Variants in EPHB1 observed in about 807,000 individuals in gnomAD.
The protein encoded by EPHB1 is EPH receptor B1.
A neutral mutation model predicts 94.4 loss-of-function variants in EPHB1; 30 were observed. The observed-to-expected ratio is 0.32, with a 90% CI of 0.24 to 0.43. The LOEUF is 0.43. Ranked by LOEUF, EPHB1 falls within the 20% of genes least tolerant of loss-of-function variation. The probability of loss-of-function intolerance (pLI) is 1.00; values close to 1 mark genes in which losing one functional copy is unlikely to be tolerated. For missense variants in EPHB1, 1,055 were observed against 1,308.3 expected (o/e 0.81, Z 2.99); for synonymous variants, 522 against 489.1 (o/e 1.07, Z -0.89).
intron 1 of EPHB1, among the ~76,000 whole-genome samples, chr3:134,888,848 A>T (rs1448074214): frequency 6.6e-6 from 1 of 152,216 alleles, no homozygotes; most frequent in African/African-American, 2.4e-5. Context: ...ATGGAGGCTC[A>T]GCCATGGGCA....
At position 135,091,705 on chromosome 3, in the gene EPHB1, G is replaced by A. The variant is rs369056264; in HGVS notation, c.806-14743G>A. On this transcript the variant is annotated intron_variant, in intron 3 of 15. Coordinates refer to ENST00000398015, the MANE Select transcript of EPHB1 (RefSeq NM_004441.5). ...TATTTGCCTCGTCAGAGTTTGGAGA[G>A]TAATGAGATTTGTGTGATACATCTA... is the stretch of plus-strand genomic sequence containing the variant. 1.4e-4 allele frequency among the ~76,000 whole-genome samples: 22 copies of A among 152,338 alleles called. 1 individual carries two copies. Among genetic ancestry groups the A allele is most frequent in the African/African-American group, 5.3e-4 (22 of 41,566 alleles).
chr3:135,172,219 A>T (rs1413189201), intron 9 of EPHB1, among the ~76,000 whole-genome samples: 1 of 152,224 alleles, frequency 6.6e-6, no homozygotes, highest in Non-Finnish European at 1.5e-5. Context: ...TGCTGCAGAC[A>T]CCCAGGCAGG....
chr3:135,034,914 G>C (rs888209402), intron 3 of EPHB1, among the ~76,000 whole-genome samples: 18 of 152,248 alleles, frequency 1.2e-4, no homozygotes, highest in African/African-American at 4.3e-4. Flanking sequence ...GAGGAAGGAG[G>C]ACGATGGACA....
intron 4 of EPHB1, among the ~76,000 whole-genome samples, chr3:135,121,201 G>A (rs1403993633): frequency 6.6e-6 from 1 of 152,168 alleles, no homozygotes; most frequent in Non-Finnish European, 1.5e-5. Context: ...TACCTGCAAG[G>A]CTTTCATCGT....
intron 3 of EPHB1, among the ~76,000 whole-genome samples, chr3:134,992,763 G>T (rs1217090539): frequency 2.0e-5 from 3 of 152,128 alleles, no homozygotes; most frequent in African/African-American, 7.2e-5. Context: ...TGAGGGCAAG[G>T]CCTGTGTCAT....
chr3:134,847,963 G>A lies in EPHB1; in HGVS notation c.58+52274G>A, dbSNP rs1180077491. On this transcript the variant is annotated intron_variant, in intron 1 of 15. Transcript: ENST00000398015. ...TGCTTAATGGCTATTTGTTCATTAGGAACCTTTAATTAACGAACCTTTGCA... is the reference window on the plus strand; with the variant it reads ...TGCTTAATGGCTATTTGTTCATTAGAAACCTTTAATTAACGAACCTTTGCA... 2.6e-5 allele frequency among the ~76,000 whole-genome samples: 4 copies of A among 152,294 alleles called. No homozygotes were observed. The East Asian group carries it at 7.7e-4, about 29-fold the overall frequency.
chr3:135,028,358 A>G (rs1008355229), intron 3 of EPHB1, among the ~76,000 whole-genome samples: 1 of 140,666 alleles, frequency 7.1e-6, no homozygotes. Flanking sequence ...TCTTGTAGGC[A>G]TTTAGTGCTA....
At chr3:135,029,763 G>A (rs994850653) in intron 3 of EPHB1, among the ~76,000 whole-genome samples, 4 of 151,840 alleles carry the variant, frequency 2.6e-5, no homozygotes, top group African/African-American at 4.8e-5. Context: ...GAATCTGAAC[G>A]TTGGCCTGCC....
chr3:134,982,231 G>T (rs1415398808), intron 3 of EPHB1, among the ~76,000 whole-genome samples: 1 of 152,084 alleles, frequency 6.6e-6, no homozygotes, highest in African/African-American at 2.4e-5. Context: ...CTCTGCAGTT[G>T]TACTGTGAGG....
At chr3:135,010,791 G>A (rs772563093) in intron 3 of EPHB1, among the ~76,000 whole-genome samples, 17 of 151,666 alleles carry the variant, frequency 1.1e-4, no homozygotes, top group South Asian at 4.2e-4. Context: ...CTCGAACTCC[G>A]GACCTCGTGA....
chr3:135,117,930 C>A (rs190724044), intron 4 of EPHB1, among the ~76,000 whole-genome samples: 1 of 152,216 alleles, frequency 6.6e-6, no homozygotes, highest in South Asian at 2.1e-4. Flanking sequence ...GGCAGAGGTG[C>A]CCAGAAGGTG....
chr3:134,947,554 A>T lies in EPHB1; in HGVS notation c.124-3817A>T, dbSNP rs138709664. On this transcript the variant is annotated intron_variant, in intron 2 of 15. Coordinates refer to ENST00000398015, the MANE Select transcript of EPHB1 (RefSeq NM_004441.5). ...TGAATATGCAGCTGAATTTCCTCTC[A>T]TTTGCTTTGATCACTCCCTTAGGAG... Among the ~76,000 whole-genome samples, 983 of 152,112 alleles carry T rather than the reference A, an allele frequency of 6.5e-3. 10 individuals carry two copies. Among genetic ancestry groups the T allele is most frequent in the African/African-American group, 0.022 (928 of 41,480 alleles).
intron 3 of EPHB1, among the ~76,000 whole-genome samples, chr3:135,023,472 A>G (rs1936045760): frequency 6.6e-6 from 1 of 152,208 alleles, no homozygotes; most frequent in Non-Finnish European, 1.5e-5. Flanking sequence ...AAATATCTCC[A>G]GAAATTGTTA....
At chr3:134,922,984 C>T (rs1239675611) in intron 1 of EPHB1, among the ~76,000 whole-genome samples, 2 of 152,168 alleles carry the variant, frequency 1.3e-5, no homozygotes, top group Non-Finnish European at 2.9e-5. Context: ...TACAGAGCCT[C>T]ATGGAGTGTC....
intron 2 of EPHB1, among the ~76,000 whole-genome samples, chr3:134,935,533 C>T (rs1393450145): frequency 1.3e-5 from 2 of 152,198 alleles, no homozygotes; most frequent in Non-Finnish European, 2.9e-5. Context: ...TCTTTAGCCT[C>T]TTTAAGTCCA....
At chr3:135,208,499 A>T (rs1942959465) in intron 12 of EPHB1, among the ~76,000 whole-genome samples, 1 of 152,212 alleles carries the variant, frequency 6.6e-6, no homozygotes, top group African/African-American at 2.4e-5. Context: ...TTCACCAAAA[A>T]GCCATTAAGC....
intron 1 of EPHB1, among the ~76,000 whole-genome samples, chr3:134,836,570 C>T (rs2036676874): frequency 1.3e-5 from 2 of 152,046 alleles, no homozygotes; most frequent in South Asian, 2.1e-4. Flanking sequence ...TAACGGATAA[C>T]AGAAATAATA....
chr3:135,186,102 T>C (rs1054799154), intron 10 of EPHB1, among the ~76,000 whole-genome samples: 1 of 152,222 alleles, frequency 6.6e-6, no homozygotes, highest in East Asian at 1.9e-4. Context: ...AAAATGTAGA[T>C]GTATGTATGT....
At position 135,259,174 on chromosome 3, in the gene EPHB1, G is replaced by C; in HGVS notation, c.*54G>C. On this transcript the variant is annotated 3_prime_UTR_variant, in exon 16 of 16. Coordinates refer to ENST00000398015, the MANE Select transcript of EPHB1 (RefSeq NM_004441.5). ...AGGGAAAAGGACCAGGGTCAAGGGG[G>C]ACCAGAGGTTGACCACTGTGGAATG... 7.1e-7 allele frequency: 1 copy of C among 1,400,974 alleles called. No individual in the cohort carries two copies. Among genetic ancestry groups the C allele is most frequent in the Non-Finnish European group, 9.9e-7 (1 of 1,007,492 alleles). The allele number at this position is 1,400,974 out of a possible 1,614,324, so 86.8% of individuals were successfully genotyped here.
Sources: allele counts gnomAD v4.1 joint callset (sites outside exome capture counted in the v4.1 genomes callset), GRCh38; gene constraint gnomAD v4.1.1; transcripts MANE v1.5; gene names NCBI Gene and HGNC (gene_info 2026-07-23, HGNC 2026-07-21).